Variants in LIX1 observed in about 807,000 individuals in gnomAD.
The protein encoded by LIX1 is protein limb expression 1 homolog.
A neutral mutation model predicts 33.4 loss-of-function variants in LIX1; 24 were observed. That is an observed-to-expected ratio of 0.72 (90% CI 0.52 to 1.01). The LOEUF is 1.01. Ranked by LOEUF, LIX1 falls within the 50% of genes least tolerant of loss-of-function variation. LIX1 has a pLI of 0.00. For missense variants in LIX1, 311 were observed against 339.2 expected (o/e 0.92, Z 0.65); for synonymous variants, 124 against 124.0 (o/e 1.00, Z 0.00).
intron 4 of LIX1, 101 bp downstream of exon 4, chr5:97,105,089 C>T: frequency 1.8e-6 from 2 of 1,107,758 alleles, no homozygotes; most frequent in South Asian, 1.3e-5. Flanking sequence ...CACTTAAGAC[C>T]AAAAGATTAT....
chr5:97,116,023 G>A (rs1324992139), intron 2 of LIX1, among the ~76,000 whole-genome samples: 1 of 152,098 alleles, frequency 6.6e-6, no homozygotes, highest in Non-Finnish European at 1.5e-5. Context: ...CAGGTGCTTG[G>A]GAACATTTTG....
At chr5:97,102,439 G>A (rs186649693) in intron 4 of LIX1, among the ~76,000 whole-genome samples, 35 of 152,216 alleles carry the variant, frequency 2.3e-4, no homozygotes, top group African/African-American at 8.2e-4. Flanking sequence ...AAGGAAAAGG[G>A]ATGCGCTCCA....
chr5:97,112,130 T>C (rs73775675), intron 2 of LIX1, among the ~76,000 whole-genome samples: 1,685 of 152,338 alleles, frequency 0.011, 25 homozygotes, highest in African/African-American at 0.039. Flanking sequence ...ATTCTAGAAC[T>C]ACAAATCTCA....
At chr5:97,102,222 A>C (rs1201453184) in intron 4 of LIX1, 1 of 149,602 alleles carries the variant, frequency 6.7e-6, no homozygotes, top group Non-Finnish European at 1.5e-5. Flanking sequence ...GTCTGGAGAC[A>C]CCAGCTTGTT....
intron 1 of LIX1, among the ~76,000 whole-genome samples, chr5:97,131,050 G>T (rs1748046470): frequency 6.6e-6 from 1 of 152,270 alleles, no homozygotes; most frequent in Admixed American, 6.5e-5. Context: ...TGTAAGTGAG[G>T]TTTTCATTTT....
intron 1 of LIX1, among the ~76,000 whole-genome samples, chr5:97,127,217 G>A (rs943732706): frequency 5.9e-5 from 9 of 152,136 alleles, no homozygotes; most frequent in Non-Finnish European, 1.0e-4. Flanking sequence ...TTGTTGACTG[G>A]TGTTTAGCTG....
At chr5:97,139,126 C>T (rs1748231321) in intron 1 of LIX1, among the ~76,000 whole-genome samples, 1 of 152,170 alleles carries the variant, frequency 6.6e-6, no homozygotes, top group South Asian at 2.1e-4. Flanking sequence ...CTGGCTCTAT[C>T]ACATACTAGC....
rs952555809 is a variant in LIX1, at chr5:97,117,435, C to G, written c.246+7031G>C. ...AATGTCAAGGCCAGGCCTTATTTAA[C>G]GCTCAGCAAAAAGAGCATTACAATT... On this transcript the variant is annotated intron_variant, in intron 2 of 5. Transcript: ENST00000274382. Among the ~76,000 whole-genome samples the G allele has an allele frequency of 3.3e-5, 5 of 152,174 alleles. No individual in the cohort carries two copies. The East Asian group carries it at 9.6e-4, about 29-fold the overall frequency.
intron 2 of LIX1, among the ~76,000 whole-genome samples, chr5:97,116,942 T>C (rs1220961945): frequency 6.6e-6 from 1 of 152,176 alleles, no homozygotes; most frequent in Non-Finnish European, 1.5e-5. Context: ...CCATGGGGCC[T>C]TTCCTAATCA....
At chr5:97,136,259 C>G (rs752759329) in intron 1 of LIX1, among the ~76,000 whole-genome samples, 1 of 152,200 alleles carries the variant, frequency 6.6e-6, no homozygotes, top group East Asian at 1.9e-4. Context: ...TTTAGAGCCC[C>G]GACTTTCTTG....
intron 2 of LIX1, among the ~76,000 whole-genome samples, chr5:97,111,068 C>G (rs1317171155): frequency 6.6e-6 from 1 of 152,106 alleles, no homozygotes; most frequent in African/African-American, 2.4e-5. Flanking sequence ...ACTCTCAAGT[C>G]TAGGCTTGGA....
At chr5:97,098,986 A>G (rs983922400) in intron 4 of LIX1, among the ~76,000 whole-genome samples, 3 of 152,170 alleles carry the variant, frequency 2.0e-5, no homozygotes, top group African/African-American at 7.2e-5. Flanking sequence ...AAGTACTCTG[A>G]GAGCCCACAG....
chr5:97,095,303 T>C (rs1366868871), intron 5 of LIX1, among the ~76,000 whole-genome samples: 1 of 152,212 alleles, frequency 6.6e-6, no homozygotes, highest in Non-Finnish European at 1.5e-5. Context: ...AGCTCTGCCA[T>C]CTCTAGAAAT....
intron 1 of LIX1, among the ~76,000 whole-genome samples, chr5:97,132,885 G>GA (rs1434347404): frequency 6.6e-6 from 1 of 152,204 alleles, no homozygotes; most frequent in Non-Finnish European, 1.5e-5. Flanking sequence ...TTAAGCAAAA[G>GA]AGTGTTCCTT....
chr5:97,125,126 C>A (rs1747886002), intron 1 of LIX1, among the ~76,000 whole-genome samples: 1 of 152,160 alleles, frequency 6.6e-6, no homozygotes, highest in Non-Finnish European at 1.5e-5. Context: ...ATGCTCCTTC[C>A]ACCCCAGTCT....
At chr5:97,134,051 G>A (rs1439073111) in intron 1 of LIX1, among the ~76,000 whole-genome samples, 4 of 152,096 alleles carry the variant, frequency 2.6e-5, no homozygotes, top group Admixed American at 2.0e-4. Context: ...TTCTCTTGTC[G>A]AAAACAAAGA....
chr5:97,134,423 A>G (rs1045569815), intron 1 of LIX1, among the ~76,000 whole-genome samples: 1 of 152,238 alleles, frequency 6.6e-6, no homozygotes, highest in South Asian at 2.1e-4. Context: ...CCCGGCAGCC[A>G]TATTTCTAAA....
chr5:97,099,253 G>T (rs1203255241), intron 4 of LIX1, among the ~76,000 whole-genome samples: 10 of 152,132 alleles, frequency 6.6e-5, no homozygotes. Context: ...ACCAAATCTC[G>T]TCCAATCTGG....
chr5:97,094,816 T>G lies in LIX1; in HGVS notation c.781A>C (p.Ser261Arg). ...CTGGGTGAGGAAGTGTCAGGGTCAC[T>G]GCAGATCTGAGTCAGGGCTAAGCTC... The part of the protein sequence containing the change: ...ILSLALTQIC[S>R]DPDTSSPSDD... The change falls in exon 6 of 6, where the codon AGT becomes CGT. Residue 261 changes from serine (S) to arginine (R), a missense_variant. By Grantham distance (110) the Ser-to-Arg change is moderately radical. Transcript: ENST00000274382. 6.2e-7 allele frequency: 1 copy of G among 1,614,220 alleles called. No individual in the cohort carries two copies. Among genetic ancestry groups the G allele is most frequent in the Non-Finnish European group, 8.5e-7 (1 of 1,180,038 alleles).
Sources: gnomAD v4.1 joint callset for allele counts (sites outside exome capture counted in the v4.1 genomes callset) on GRCh38, gnomAD v4.1.1 for gene constraint, MANE v1.5 for transcripts, NCBI Gene and HGNC (gene_info 2026-07-23, HGNC 2026-07-21) for gene names.